Variants in FAM149B1 observed in about 807,000 individuals in gnomAD.
FAM149B1 encodes the protein family with sequence similarity 149 member B1.
FAM149B1 carries 56 observed loss-of-function variants against 75.3 expected under a neutral mutation model. The observed-to-expected ratio is 0.74, with a 90% CI of 0.60 to 0.93. The LOEUF (loss-of-function observed/expected upper bound fraction) is 0.93, where lower values mean the gene tolerates loss of function less well. Ranked by LOEUF, FAM149B1 falls within the 40% of genes least tolerant of loss-of-function variation. The pLI is 0.00. For missense variants in FAM149B1, 639 were observed against 708.4 expected (o/e 0.90, Z 1.11); for synonymous variants, 259 against 256.1 (o/e 1.01, Z -0.11).
intron 8 of FAM149B1, among the ~76,000 whole-genome samples, chr10:73,229,411 C>A (rs757233640): frequency 1.3e-5 from 2 of 152,156 alleles, no homozygotes; most frequent in African/African-American, 4.8e-5. Context: ...CTCATCTATA[C>A]TAAAAATACA....
At chr10:73,232,219 G>GA (rs11426576) in intron 9 of FAM149B1, among the ~76,000 whole-genome samples, 14,773 of 150,860 alleles carry the variant, frequency 0.098, 1,032 homozygotes, top group East Asian at 0.31. Flanking sequence ...TGCTTTAAAA[G>GA]AAAAAAAAAT....
At position 73,208,526 on chromosome 10, in the gene FAM149B1, A is replaced by G. The variant is rs1564699934; in HGVS notation, c.543-93A>G. ...AGTCCACGAAGGTATTGCCAGGGCA[A>G]GGGGAGTTTGAGCCAAAACTCATGT... On this transcript the variant is annotated intron_variant, in intron 5 of 13. Transcript: ENST00000242505. The G allele has an allele frequency of 3.9e-6, 3 of 775,828 alleles. No homozygotes were observed. In the East Asian group the frequency reaches 8.3e-5, roughly 21 times the overall value. The allele number at this position is 775,828 out of a possible 1,614,324, so 48.1% of individuals were successfully genotyped here. A position where few individuals can be genotyped will look rare whatever the true frequency, so the allele number is the denominator to read the frequency against.
chr10:73,221,909 G>A (rs912442101), intron 7 of FAM149B1, among the ~76,000 whole-genome samples: 12 of 151,762 alleles, frequency 7.9e-5, no homozygotes, highest in Non-Finnish European at 1.3e-4. Context: ...CTTCTACAAC[G>A]TTGAATCTGC....
intron 6 of FAM149B1, 98 bp downstream of exon 6, chr10:73,208,884 T>TAC: frequency 5.6e-6 from 4 of 719,570 alleles, no homozygotes; most frequent in Non-Finnish European, 7.9e-6. Context: ...TTATTAAATA[T>TAC]ATGCCAGTTT....
At position 73,240,993 on chromosome 10, in the gene FAM149B1, G is replaced by A. The variant is rs1021279369; in HGVS notation, c.1723G>A (p.Val575Ile). The part of the protein sequence containing the change: ...STKSQSGGRP[V>I]SRTRQGP ...AAAATCTCAAAGCGGAGGCAGACCA[G>A]TCTCTCGAACCAGGCAGGGACCATA... Residue 575 changes from valine to isoleucine, a missense_variant, in exon 14 of 14, where the codon GTC (valine) becomes ATC (isoleucine). Coordinates refer to ENST00000242505, the MANE Select transcript of FAM149B1 (RefSeq NM_173348.2). 42 of 1,498,476 alleles carry A rather than the reference G, an allele frequency of 2.8e-5. 1 individual carries two copies. The highest frequency in any genetic ancestry group is 3.6e-5 in the Non-Finnish European group (41 of 1,140,488). 92.8% of individuals were successfully genotyped at this position (1,498,476 alleles called of 1,614,324 possible).
intron 5 of FAM149B1, among the ~76,000 whole-genome samples, chr10:73,195,882 T>G (rs2042792823): frequency 6.6e-6 from 1 of 152,204 alleles, no homozygotes; most frequent in South Asian, 2.1e-4. Context: ...CCAGGTATAT[T>G]AGCACACCAC....
chr10:73,210,408 A>G lies in FAM149B1; in HGVS notation c.868A>G (p.Thr290Ala). Reference sequence around the variant, plus strand: ...GGTTGTGAGCTGTATGGAGCAGTTGACACGTAGTCACTGGGAAGGATTTGC... The same window carrying G: ...GGTTGTGAGCTGTATGGAGCAGTTGGCACGTAGTCACTGGGAAGGATTTGC... ...CKVVSCMEQLTRSHWEGFASD... is the reference protein window; with the variant it reads ...CKVVSCMEQLARSHWEGFASD... The change falls in exon 7 of 14, where the codon ACA becomes GCA. Residue 290 changes from threonine to alanine, a missense_variant. Transcript: ENST00000242505. 3 of 1,543,764 alleles carry G rather than the reference A, an allele frequency of 1.9e-6. No homozygotes were observed. The highest frequency in any genetic ancestry group is 2.6e-6 in the Non-Finnish European group (3 of 1,144,572).
chr10:73,188,011 AG>A, intron 3 of FAM149B1, among the ~76,000 whole-genome samples: 1 of 152,260 alleles, frequency 6.6e-6, no homozygotes, highest in East Asian at 1.9e-4. Context: ...TGAACCCAGG[AG>A]GCAGAGGTTG....
At chr10:73,215,123 C>T (rs2043268202) in intron 7 of FAM149B1, among the ~76,000 whole-genome samples, 1 of 152,062 alleles carries the variant, frequency 6.6e-6, no homozygotes, top group Non-Finnish European at 1.5e-5. Flanking sequence ...CAGGTTCAAG[C>T]CATTCTCCTG....
At chr10:73,227,897 T>G (rs1278270560) in intron 7 of FAM149B1, among the ~76,000 whole-genome samples, 163 bp from the exon 8 acceptor site, 4 of 152,204 alleles carry the variant, frequency 2.6e-5, no homozygotes, top group Non-Finnish European at 5.9e-5. Context: ...AGTCTTGGTT[T>G]GAGGGGTTTT....
At chr10:73,176,802 G>A (rs1267697344) in intron 2 of FAM149B1, among the ~76,000 whole-genome samples, 4 of 152,118 alleles carry the variant, frequency 2.6e-5, no homozygotes, top group Non-Finnish European at 2.9e-5. Context: ...CGATGTAGGC[G>A]GATCACTTGA....
At chr10:73,223,805 T>G (rs2133388149) in intron 7 of FAM149B1, among the ~76,000 whole-genome samples, 1 of 152,102 alleles carries the variant, frequency 6.6e-6, no homozygotes, top group East Asian at 1.9e-4. Flanking sequence ...GTTTATATTA[T>G]ATGAGGTTAA....
chr10:73,209,124 T>C (rs1216547441), intron 6 of FAM149B1, among the ~76,000 whole-genome samples: 2 of 152,176 alleles, frequency 1.3e-5, no homozygotes, highest in South Asian at 2.1e-4. Context: ...TGAAGAGATA[T>C]GGACTTTGTT....
rs1410938624 is a variant in FAM149B1 at position 73,233,017 on chromosome 10, GGAGTT to G, written c.1207_1211del (p.Glu403Ter). 1.3e-6 allele frequency: 2 copies of G among 1,551,802 alleles called. No homozygotes were observed. Among genetic ancestry groups the G allele is most frequent in the Non-Finnish European group, 1.7e-6 (2 of 1,146,946 alleles). On this transcript the variant is annotated frameshift_variant, in exon 10 of 14. Coordinates refer to ENST00000242505, the MANE Select transcript of FAM149B1 (RefSeq NM_173348.2). LOFTEE classifies it high-confidence loss of function. ...CTCGAAATTGGCCAAATCGAGCTGT[GGAGTT>G]TAGTACATCATCTCTGTCATACACA...
rs147394652 is a variant in FAM149B1, at chr10:73,206,918, A to AAAAC, written c.543-1677_543-1674dup. On this transcript the variant is annotated intron_variant, in intron 5 of 13. Transcript: ENST00000242505. Reference sequence around the variant, plus strand: ...TGATACAGCAAGACTCTGTCTCAAAAAAACAAACAAACAAACAAACAAACA... The same window carrying AAAAC: ...TGATACAGCAAGACTCTGTCTCAAAAAAACAAACAAACAAACAAACAAACAAACA... Among the ~76,000 whole-genome samples the AAAAC allele has an allele frequency of 6.1e-4, 92 of 151,264 alleles. 1 individual carries two copies. The highest frequency in any genetic ancestry group is 1.5e-3 in the African/African-American group (60 of 40,730).
rs1161500065 is a variant in FAM149B1, at chr10:73,205,521, AC to A, written c.543-3095del. ...AATTAAACCTCTTTTCCTATAAATT[AC>A]CCAGTCTCAGGTATTTTTGTTTTTT... On this transcript the variant is annotated intron_variant, in intron 5 of 13. Transcript: ENST00000242505. 7.2e-5 allele frequency among the ~76,000 whole-genome samples: 11 copies of A among 151,918 alleles called. No individual in the cohort carries two copies. In the East Asian group the frequency reaches 2.1e-3, roughly 29 times the overall value.
At chr10:73,223,334 C>G (rs1023945345) in intron 7 of FAM149B1, among the ~76,000 whole-genome samples, 5 of 152,064 alleles carry the variant, frequency 3.3e-5, no homozygotes, top group African/African-American at 1.2e-4. Context: ...ATGCATCTGG[C>G]TTCTTTTATT....
At chr10:73,171,423 T>C (rs1843708606) in intron 1 of FAM149B1, among the ~76,000 whole-genome samples, 1 of 152,190 alleles carries the variant, frequency 6.6e-6, no homozygotes, top group African/African-American at 2.4e-5. Flanking sequence ...GCCGTAACTT[T>C]AGTTTTCTAC....
intron 5 of FAM149B1, among the ~76,000 whole-genome samples, chr10:73,197,540 C>T (rs926447506): frequency 2.6e-5 from 4 of 151,940 alleles, no homozygotes; most frequent in Admixed American, 1.3e-4. Context: ...GAGGCTGAGG[C>T]GGGTGGATCA....
Sources: allele counts gnomAD v4.1 joint callset (sites outside exome capture counted in the v4.1 genomes callset), GRCh38; gene constraint gnomAD v4.1.1; transcripts MANE v1.5; gene names NCBI Gene and HGNC (gene_info 2026-07-23, HGNC 2026-07-21).